The following SCAF8 variants were observed in gnomAD, a reference collection of about 807,000 sequenced individuals.
SCAF8 encodes SR-related and CTD-associated factor 8.
A neutral mutation model predicts 140.5 loss-of-function variants in SCAF8; 23 were observed. That is an observed-to-expected ratio of 0.16 (90% confidence interval 0.12 to 0.23). SCAF8 has a LOEUF of 0.23. Ranked by LOEUF, SCAF8 falls within the 10% of genes least tolerant of loss-of-function variation. The pLI, the probability that SCAF8 is intolerant of heterozygous loss-of-function variation, is 1.00. For missense variants in SCAF8, 1,397 were observed against 1,555.7 expected (o/e 0.90, Z 1.72); for synonymous variants, 575 against 528.9 (o/e 1.09, Z -1.20).
At chr6:154,735,519 CTTT>C (rs11406318) in intron 1 of SCAF8, among the ~76,000 whole-genome samples, 6 of 135,508 alleles carry the variant, frequency 4.4e-5, no homozygotes, top group Admixed American at 7.5e-5. Context: ...TGGGAATCTT[CTTT>C]TTTTTTTTTT....
At chr6:154,759,914 C>T (rs1478354548) in intron 1 of SCAF8, among the ~76,000 whole-genome samples, 1 of 152,094 alleles carries the variant, frequency 6.6e-6, no homozygotes, top group Non-Finnish European at 1.5e-5. Flanking sequence ...TGTGATCCTC[C>T]CACCTCGGCC....
intron 14 of SCAF8, 99 bp from the exon 15 acceptor site, chr6:154,820,078 A>T: frequency 1.1e-6 from 1 of 893,346 alleles, no homozygotes; most frequent in Non-Finnish European, 1.6e-6. Flanking sequence ...AACCAATTTT[A>T]ATGTGTTTAC....
chr6:154,826,996 G>T (rs1328747940), intron 17 of SCAF8, among the ~76,000 whole-genome samples, 176 bp from the exon 18 acceptor site: 1 of 151,934 alleles, frequency 6.6e-6, no homozygotes, highest in Non-Finnish European at 1.5e-5. Context: ...TAGCTTATTA[G>T]GGATCAAATA....
chr6:154,831,918 T>C, intron 19 of SCAF8, 21 bp from the exon 20 acceptor site: 3 of 1,558,554 alleles, frequency 1.9e-6, no homozygotes, highest in Non-Finnish European at 2.6e-6. Flanking sequence ...TTGAGTTTTT[T>C]CTCTCTCTCT....
intron 1 of SCAF8, among the ~76,000 whole-genome samples, chr6:154,766,988 T>C (rs1005322948): frequency 1.3e-5 from 2 of 152,128 alleles, no homozygotes; most frequent in African/African-American, 4.8e-5. Flanking sequence ...GATGTCTCGT[T>C]TGGGGACATG....
chr6:154,795,254 G>A, intron 6 of SCAF8, 115 bp downstream of exon 6: 1 of 807,126 alleles, frequency 1.2e-6, no homozygotes, highest in Non-Finnish European at 1.8e-6. Flanking sequence ...TATAAAAATG[G>A]GACCATTATG....
rs138152831 is a variant in SCAF8, at chr6:154,810,258, A to C, written c.1420+50A>C. 18 of 1,366,388 alleles carry C rather than the reference A, an allele frequency of 1.3e-5. No homozygotes were observed. In the Admixed American group the frequency reaches 2.0e-4, roughly 15 times the overall value. The allele number at this position is 1,366,388 out of a possible 1,614,324, so 84.6% of individuals were successfully genotyped here. A position where few individuals can be genotyped will look rare whatever the true frequency, so the allele number is the denominator to read the frequency against. ...TTTGGTTTCAATTAATATTTAAAAA[A>C]TAGTTATCTGCTACAAAGTCTCTCA... On this transcript the variant is annotated intron_variant, in intron 12 of 19. Transcript: ENST00000367178.
At chr6:154,827,399 A>T (rs1027436713) in intron 18 of SCAF8, among the ~76,000 whole-genome samples, 159 bp downstream of exon 18, 1 of 152,170 alleles carries the variant, frequency 6.6e-6, no homozygotes, top group African/African-American at 2.4e-5. Flanking sequence ...GACAGTTCTT[A>T]TTGAAATTTG....
intron 6 of SCAF8, among the ~76,000 whole-genome samples, chr6:154,799,463 T>C (rs1472577295): frequency 6.6e-6 from 1 of 151,306 alleles, no homozygotes; most frequent in African/African-American, 2.4e-5. Context: ...ATGTTCTCAG[T>C]TTGACCTATT....
rs1015279473 is a variant in SCAF8 at position 154,799,740 on chromosome 6, T to C, written c.607-2231T>C. Among the ~76,000 whole-genome samples the C allele has an allele frequency of 4.6e-5, 7 of 151,364 alleles. 1 individual carries two copies. Among genetic ancestry groups the C allele is most frequent in the Non-Finnish European group, 1.0e-4 (7 of 67,754 alleles). ...CATATGGTTTCATCTCTTGTCTTTG[T>C]TTAAATGTCACTTTAATAAGGCCTT... On this transcript the variant is annotated intron_variant, in intron 6 of 19. Transcript: ENST00000367178.
chr6:154,812,274 A>ACTTTGT (rs1481372094), intron 12 of SCAF8, among the ~76,000 whole-genome samples: 1 of 96,898 alleles, frequency 1.0e-5, no homozygotes, highest in Non-Finnish European at 2.1e-5. Flanking sequence ...GCAGGTGCCT[A>ACTTTGT]CTTTGTCTCT....
intron 1 of SCAF8, among the ~76,000 whole-genome samples, chr6:154,739,325 CAAAA>C (rs914275213): frequency 6.6e-6 from 1 of 151,948 alleles, no homozygotes; most frequent in Non-Finnish European, 1.5e-5. Context: ...TTTAAAAAAA[CAAAA>C]AACAAACGTA....
In SCAF8 at chr6:154,733,421, G is replaced by T; in HGVS notation, c.-480G>T. The T allele has an allele frequency of 7.1e-7, 1 of 1,405,138 alleles. No homozygotes were observed. Among genetic ancestry groups the T allele is most frequent in the South Asian group, 1.5e-5 (1 of 68,272 alleles). The allele number at this position is 1,405,138 out of a possible 1,614,324, so 87.0% of individuals were successfully genotyped here. The stretch of plus-strand genomic sequence containing the variant: ...CGGCCCGACTCGAGTCCGCCATATT[G>T]GATGCCGCAGCCGCTGCTGCCAGCG... On this transcript the variant is annotated 5_prime_UTR_variant, in exon 1 of 20. Coordinates refer to ENST00000367178, the MANE Select transcript of SCAF8 (RefSeq NM_014892.5).
intron 3 of SCAF8, among the ~76,000 whole-genome samples, chr6:154,782,068 GTCCTAATTAATTTT>G (rs2114859570): frequency 6.6e-6 from 1 of 152,296 alleles, no homozygotes; most frequent in Non-Finnish European, 1.5e-5. Context: ...CTCTGGCCTT[GTCCTAATTAATTTT>G]GCCAAAAATC....
intron 1 of SCAF8, chr6:154,741,887 G>C (rs939658097): frequency 1.9e-6 from 2 of 1,047,152 alleles, no homozygotes; most frequent in African/African-American, 3.1e-5. Flanking sequence ...CTGAGCTCCT[G>C]AACTTTTAAG....
At chr6:154,799,017 C>T (rs1777688947) in intron 6 of SCAF8, among the ~76,000 whole-genome samples, 1 of 150,802 alleles carries the variant, frequency 6.6e-6, no homozygotes, top group Admixed American at 6.6e-5. Flanking sequence ...GAGTCTTAGC[C>T]TGTCACCCAG....
At chr6:154,818,444 C>A in intron 13 of SCAF8, 35 bp from the exon 14 acceptor site, 1 of 1,201,192 alleles carries the variant, frequency 8.3e-7, no homozygotes, top group Non-Finnish European at 1.2e-6. Context: ...AGTTTCTGTT[C>A]TTATACCTTT....
intron 3 of SCAF8, among the ~76,000 whole-genome samples, chr6:154,778,874 A>G (rs1776995939): frequency 6.6e-6 from 1 of 152,032 alleles, no homozygotes; most frequent in Non-Finnish European, 1.5e-5. Flanking sequence ...AGGGTTGAAT[A>G]ACAAGTATGC....
intron 11 of SCAF8, among the ~76,000 whole-genome samples, chr6:154,809,601 C>T (rs1778027596): frequency 6.6e-6 from 1 of 152,174 alleles, no homozygotes. Context: ...TCACCTTCTA[C>T]AAGCACCATA....
Sources: gnomAD v4.1 joint callset for allele counts (sites outside exome capture counted in the v4.1 genomes callset) on GRCh38, gnomAD v4.1.1 for gene constraint, MANE v1.5 for transcripts, NCBI Gene and HGNC (gene_info 2026-07-23, HGNC 2026-07-21) for gene names.